Variants in TMPRSS15 observed in about 807,000 individuals in gnomAD.
TMPRSS15 encodes enteropeptidase.
A neutral mutation model predicts 125.3 loss-of-function variants in TMPRSS15; 128 were observed. The observed-to-expected ratio is 1.02, with a 90% CI of 0.89 to 1.18. The LOEUF (loss-of-function observed/expected upper bound fraction) is 1.18. TMPRSS15 is among the 50% of genes most tolerant of loss of function. The pLI is 0.00. For missense variants in TMPRSS15, 1,283 were observed against 1,212.7 expected, an observed-to-expected ratio of 1.06 and a Z score of -0.86; for synonymous variants, 446 against 423.2, an observed-to-expected ratio of 1.05 and a Z score of -0.66.
intron 18 of TMPRSS15, among the ~76,000 whole-genome samples, chr21:18,305,768 A>G (rs139348595): frequency 4.7e-4 from 72 of 152,312 alleles, no homozygotes; most frequent in African/African-American, 1.7e-3. Flanking sequence ...AAACCTATTA[A>G]GTATTAATGT....
chr21:18,367,177 GA>G (rs1249090546), intron 6 of TMPRSS15, among the ~76,000 whole-genome samples: 1 of 151,866 alleles, frequency 6.6e-6, no homozygotes, highest in African/African-American at 2.4e-5. Context: ...ACGAAAATAA[GA>G]AAAGAAAAGA....
At chr21:18,459,347 C>T (rs893305383) in intron 1 of TMPRSS15, among the ~76,000 whole-genome samples, 2 of 151,844 alleles carry the variant, frequency 1.3e-5, no homozygotes, top group African/African-American at 4.8e-5. Flanking sequence ...TATCTTGGCT[C>T]ATTGCAACCT....
intron 16 of TMPRSS15, among the ~76,000 whole-genome samples, chr21:18,322,947 G>A (rs1242861848): frequency 6.6e-6 from 1 of 152,098 alleles, no homozygotes; most frequent in Non-Finnish European, 1.5e-5. Flanking sequence ...CAGATTCGAT[G>A]ATTATAAATT....
At chr21:18,399,006 T>A (rs1309609102) in intron 1 of TMPRSS15, among the ~76,000 whole-genome samples, 3 of 152,070 alleles carry the variant, frequency 2.0e-5, no homozygotes, top group African/African-American at 7.2e-5. Flanking sequence ...TAAACATGGA[T>A]AATAAAATGT....
intron 4 of TMPRSS15, among the ~76,000 whole-genome samples, chr21:18,383,147 C>A (rs1031171561): frequency 6.6e-6 from 1 of 152,136 alleles, no homozygotes; most frequent in East Asian, 1.9e-4. Flanking sequence ...GCAAAGAATG[C>A]GTAAGACCCA....
intron 10 of TMPRSS15, among the ~76,000 whole-genome samples, chr21:18,345,423 C>T (rs986368228): frequency 5.3e-5 from 8 of 152,036 alleles, no homozygotes; most frequent in African/African-American, 1.9e-4. Context: ...TTACTTAGAA[C>T]ATAACTGGGG....
intron 1 of TMPRSS15, among the ~76,000 whole-genome samples, chr21:18,425,163 G>A (rs2076200112): frequency 6.6e-6 from 1 of 151,914 alleles, no homozygotes; most frequent in Non-Finnish European, 1.5e-5. Flanking sequence ...ACACCAAAAT[G>A]TCTTCCAGAA....
chr21:18,474,314 G>A (rs537208789), intron 1 of TMPRSS15, among the ~76,000 whole-genome samples: 22 of 151,330 alleles, frequency 1.5e-4, no homozygotes, highest in African/African-American at 5.3e-4. Flanking sequence ...TTTTGAGATG[G>A]AGTTTCACTC....
intron 16 of TMPRSS15, among the ~76,000 whole-genome samples, 157 bp downstream of exon 16, chr21:18,326,275 A>G (rs554015273): frequency 6.6e-6 from 1 of 152,310 alleles, no homozygotes; most frequent in South Asian, 2.1e-4. Flanking sequence ...ACGGTACTAC[A>G]GATGTAAAGG....
intron 1 of TMPRSS15, among the ~76,000 whole-genome samples, chr21:18,460,276 G>GT (rs554661087): frequency 5.8e-4 from 87 of 150,890 alleles, no homozygotes; most frequent in East Asian, 1.2e-3. Flanking sequence ...TTAGCAGTAG[G>GT]TTTTTTTTTG....
At position 18,315,504 on chromosome 21, in the gene TMPRSS15, T is replaced by C. The variant is rs1451919193; in HGVS notation, c.1922-248A>G. 4.5e-4 allele frequency among the ~76,000 whole-genome samples: 14 copies of C among 31,118 alleles called. 1 individual carries two copies. The East Asian group carries it at 0.014, about 31-fold the overall frequency. The allele number at this position is 31,118 out of a possible 152,430, so 20.4% of individuals were successfully genotyped here. ...CTTAAAGTATAATAAAATATATATA[T>C]ATAAAATAATAAACATGAGTCCTTT... On this transcript the variant is annotated intron_variant, in intron 16 of 24. Coordinates refer to ENST00000284885, the MANE Select transcript of TMPRSS15 (RefSeq NM_002772.3).
At chr21:18,278,366 G>A (rs1317446176) in intron 23 of TMPRSS15, among the ~76,000 whole-genome samples, 6 of 151,804 alleles carry the variant, frequency 4.0e-5, no homozygotes, top group African/African-American at 4.8e-5. Context: ...TGAATTCCCC[G>A]TCAAAAGAAT....
upstream of TMPRSS15, among the ~76,000 whole-genome samples, chr21:18,407,801 C>T (rs758749263): frequency 6.6e-5 from 10 of 152,080 alleles, no homozygotes; most frequent in African/African-American, 2.2e-4. Flanking sequence ...GACATTTAAC[C>T]GTATAAGATA....
intron 4 of TMPRSS15, among the ~76,000 whole-genome samples, chr21:18,380,816 A>G (rs2038236021): frequency 6.6e-6 from 1 of 152,126 alleles, no homozygotes; most frequent in South Asian, 2.1e-4. Context: ...AGTTTGCTTT[A>G]TTTTATATCT....
chr21:18,437,899 A>C (rs1293599809), intron 1 of TMPRSS15, among the ~76,000 whole-genome samples: 34 of 152,012 alleles, frequency 2.2e-4, no homozygotes, highest in African/African-American at 8.2e-4. Context: ...TAGTTCAACC[A>C]TTATGGAAGT....
intron 4 of TMPRSS15, among the ~76,000 whole-genome samples, chr21:18,380,121 A>C (rs1569044475): frequency 1.3e-5 from 2 of 151,460 alleles, no homozygotes; most frequent in Admixed American, 1.3e-4. Flanking sequence ...CAAGTGCCAT[A>C]GCTTCATCAC....
Position 18,281,168 on chromosome 21 carries a change from G to C in TMPRSS15, c.2540C>G (p.Ser847Ter). ...GACTGTTTGAGGAGAGGTCAGATTT[G>C]ATTTCATATGCAGGCCTAGGATTGC... The part of the protein sequence containing the change: ...WTAILGLHMK[S>*]NLTSPQTVPR... Residue 847 changes from serine (S) to a stop codon, truncating the protein, a stop_gained, in exon 22 of 25, where the codon TCA becomes TGA. Coordinates refer to ENST00000284885, the MANE Select transcript of TMPRSS15 (RefSeq NM_002772.3). LOFTEE classifies it high-confidence loss of function. The C allele has an allele frequency of 1.9e-6, 3 of 1,614,054 alleles. No individual in the cohort carries two copies. Among genetic ancestry groups the C allele is most frequent in the Non-Finnish European group, 2.5e-6 (3 of 1,179,992 alleles).
intron 22 of TMPRSS15, among the ~76,000 whole-genome samples, chr21:18,279,311 C>CTTTT (rs71189593): frequency 0.025 from 1,021 of 41,150 alleles, 328 homozygotes; most frequent in Non-Finnish European, 0.035. Context: ...CCTCGTTACT[C>CTTTT]TTTTTTTTTT....
At chr21:18,292,306 C>G (rs763644143) in intron 21 of TMPRSS15, among the ~76,000 whole-genome samples, 2 of 152,188 alleles carry the variant, frequency 1.3e-5, no homozygotes, top group Non-Finnish European at 2.9e-5. Flanking sequence ...GGATGCCCTA[C>G]TTTGTGACTC....
Sources: gnomAD v4.1 joint callset for allele counts (sites outside exome capture counted in the v4.1 genomes callset) on GRCh38, gnomAD v4.1.1 for gene constraint, MANE v1.5 for transcripts, NCBI Gene and HGNC (gene_info 2026-07-23, HGNC 2026-07-21) for gene names.